The following ZSCAN5A variants were observed in gnomAD, a reference collection of about 807,000 sequenced individuals.
ZSCAN5A encodes zinc finger and SCAN domain containing 5A, also known as zinc finger and SCAN domain-containing protein 5A.
In ZSCAN5A, 12 loss-of-function variants were observed where a neutral mutation model predicts 23.7. That is an observed-to-expected ratio of 0.51 (90% CI 0.32 to 0.82). ZSCAN5A has a LOEUF of 0.82. ZSCAN5A is among the 40% of genes least tolerant of loss of function. The pLI, the probability that ZSCAN5A is intolerant of heterozygous loss-of-function variation, is 0.03. For missense variants in ZSCAN5A, 597 were observed against 617.9 expected, an observed-to-expected ratio of 0.97 and a Z score of 0.36; for synonymous variants, 257 against 239.9, an observed-to-expected ratio of 1.07 and a Z score of -0.66.
chr19:56,340,389 G>C (rs1266801904), intron 2 of ZSCAN5A, among the ~76,000 whole-genome samples: 1 of 152,180 alleles, frequency 6.6e-6, no homozygotes, highest in Non-Finnish European at 1.5e-5. Context: ...GAGTTCTAAG[G>C]TTAGATTGTC....
intron 2 of ZSCAN5A, among the ~76,000 whole-genome samples, chr19:56,243,432 T>G (rs2035590647): frequency 6.6e-6 from 1 of 150,778 alleles, no homozygotes; most frequent in African/African-American, 2.4e-5. Context: ...TTCTCATGAT[T>G]ACTTAATGCT....
chr19:56,298,681 C>CT (rs1297750171), intron 2 of ZSCAN5A, among the ~76,000 whole-genome samples: 1 of 151,748 alleles, frequency 6.6e-6, no homozygotes, highest in East Asian at 1.9e-4. Context: ...GAATAATCCT[C>CT]TATCTATTAA....
At position 56,230,615 on chromosome 19, in the gene ZSCAN5A, A is replaced by ATGTGTGTGTGTGTGTGTG. The variant is rs58270311; in HGVS notation, c.-127-5460_-127-5443dup. 2.0e-5 allele frequency among the ~76,000 whole-genome samples: 3 copies of ATGTGTGTGTGTGTGTGTG among 147,588 alleles called. No homozygotes were observed. In the Admixed American group the frequency reaches 2.0e-4, roughly 10 times the overall value. The stretch of plus-strand genomic sequence containing the variant: ...CATCTGGCTTTCTTTTTATTTCTTG[A>ATGTGTGTGTGTGTGTGTG]TGTGTGTGTGTGTGTGTGTGTGTGT... On this transcript the variant is annotated intron_variant, in intron 2 of 5. Transcript: ENST00000683990.
At chr19:56,300,703 G>A (rs1193989974) in intron 2 of ZSCAN5A, among the ~76,000 whole-genome samples, 1 of 152,172 alleles carries the variant, frequency 6.6e-6, no homozygotes, top group Non-Finnish European at 1.5e-5. Flanking sequence ...TTTCAACAGG[G>A]AGAATTCATT....
chr19:56,285,957 T>C lies in ZSCAN5A; in HGVS notation c.-128+27326A>G, dbSNP rs560834991. On this transcript the variant is annotated intron_variant, in intron 2 of 5. Coordinates refer to ENST00000683990, the MANE Select transcript of ZSCAN5A (RefSeq NM_001322064.3). The stretch of plus-strand genomic sequence containing the variant: ...GACAGATGTTTAACAAATTTGCATC[T>C]TCATATACAGCCTGTGGGGATGCTT... Among the ~76,000 whole-genome samples the C allele has an allele frequency of 2.2e-4, 33 of 152,358 alleles. 1 individual carries two copies. In the South Asian group the frequency reaches 3.5e-3, roughly 16 times the overall value.
At chr19:56,273,104 C>A (rs549491264) in intron 2 of ZSCAN5A, among the ~76,000 whole-genome samples, 1 of 152,262 alleles carries the variant, frequency 6.6e-6, no homozygotes, top group Non-Finnish European at 1.5e-5. Flanking sequence ...TAGCCCCTGC[C>A]CTTGGAGATA....
At chr19:56,231,621 C>T (rs1415113698) in intron 2 of ZSCAN5A, among the ~76,000 whole-genome samples, 1 of 152,240 alleles carries the variant, frequency 6.6e-6, no homozygotes, top group African/African-American at 2.4e-5. Flanking sequence ...GCATTTCCCT[C>T]ACATGACACA....
intron 2 of ZSCAN5A, chr19:56,320,880 G>A (rs1420420366): frequency 2.6e-6 from 2 of 767,244 alleles, no homozygotes; most frequent in Non-Finnish European, 4.9e-6. Context: ...TTCATGTAGA[G>A]TGTGGGGTTC....
At chr19:56,317,353 TC>T (rs1420099666), upstream of ZSCAN5A, 5 of 152,142 alleles carry the variant, frequency 3.3e-5, no homozygotes, top group African/African-American at 1.2e-4. Flanking sequence ...GAACTTGGCT[TC>T]GTTGAAAGCA....
intron 2 of ZSCAN5A, among the ~76,000 whole-genome samples, chr19:56,266,995 G>A (rs555546518): frequency 1.7e-4 from 26 of 152,114 alleles, no homozygotes; most frequent in Admixed American, 5.9e-4. Flanking sequence ...TTCTTTCTGC[G>A]TGTCAAATTC....
intron 2 of ZSCAN5A, chr19:56,283,635 A>T (rs898042907): frequency 1.6e-4 from 24 of 152,200 alleles, no homozygotes; most frequent in Admixed American, 5.2e-4. Flanking sequence ...CGCCCCAGTT[A>T]ACGTTCCCGT....
chr19:56,362,282 T>C (rs1258804999), intron 2 of ZSCAN5A, among the ~76,000 whole-genome samples: 1 of 151,836 alleles, frequency 6.6e-6, no homozygotes, highest in Non-Finnish European at 1.5e-5. Context: ...GAAAGTAACA[T>C]TATGCCGGGC....
At chr19:56,225,699 T>C (rs567804911) in intron 2 of ZSCAN5A, among the ~76,000 whole-genome samples, 1 of 152,246 alleles carries the variant, frequency 6.6e-6, no homozygotes, top group Non-Finnish European at 1.5e-5. Flanking sequence ...TGGTAAAATG[T>C]ACATTCATAA....
rs575249812 is a variant in ZSCAN5A at position 56,257,969 on chromosome 19, G to A, written c.-127-32796C>T. On this transcript the variant is annotated intron_variant, in intron 2 of 5. Coordinates refer to ENST00000683990, the MANE Select transcript of ZSCAN5A (RefSeq NM_001322064.3). ...TGGCTCCTGCCTCCCACCACTGCCC[G>A]ATCTTCTTAGACACAGGCGCCGGGA... Among the ~76,000 whole-genome samples the A allele has an allele frequency of 6.6e-5, 8 of 121,654 alleles. No individual in the cohort carries two copies. In the East Asian group the frequency reaches 7.4e-4, roughly 11 times the overall value. 79.8% of individuals were successfully genotyped at this position (121,654 alleles called of 152,430 possible). A position where few individuals can be genotyped will look rare whatever the true frequency, so the allele number is the denominator to read the frequency against.
intron 2 of ZSCAN5A, among the ~76,000 whole-genome samples, chr19:56,257,162 G>A (rs1004602657): frequency 2.6e-5 from 4 of 152,124 alleles, no homozygotes; most frequent in African/African-American, 7.2e-5. Context: ...GGTCCAAGAG[G>A]GGCGAGTTTG....
intron 2 of ZSCAN5A, 112 bp from the exon 3 acceptor site, chr19:56,225,285 A>G (rs966342567): frequency 8.2e-5 from 86 of 1,051,508 alleles, no homozygotes; most frequent in Non-Finnish European, 1.1e-4. Flanking sequence ...AATTCAGCAC[A>G]GTGGAAATCT....
rs77059068 is a variant in ZSCAN5A, at chr19:56,305,384, C to G, written c.-128+7899G>C. Reference sequence around the variant, plus strand: ...GTTTATTCATTTGGCATAATATTTCCAAGGTTCATCATGGTATACCTTGTA... The same window carrying G: ...GTTTATTCATTTGGCATAATATTTCGAAGGTTCATCATGGTATACCTTGTA... On this transcript the variant is annotated intron_variant, in intron 2 of 5. Transcript: ENST00000683990. Among the ~76,000 whole-genome samples, 664 of 152,258 alleles carry G rather than the reference C, an allele frequency of 4.4e-3. 13 individuals carry two copies. The East Asian group carries it at 0.052, about 12-fold the overall frequency.
intron 2 of ZSCAN5A, among the ~76,000 whole-genome samples, chr19:56,333,456 T>C (rs1323787130): frequency 6.6e-6 from 1 of 151,988 alleles, no homozygotes; most frequent in East Asian, 1.9e-4. Context: ...TTTAATTGTA[T>C]TTTGAAATTC....
At position 56,223,650 on chromosome 19, in the gene ZSCAN5A, G is replaced by A. The variant is rs1568606072; in HGVS notation, c.569C>T (p.Pro190Leu). Residue 190 changes from proline (P) to leucine (L), a missense_variant, in exon 4 of 6, where the codon CCT becomes CTT. Physicochemically the swap from Pro to Leu is moderately conservative, Grantham distance 98. Coordinates refer to ENST00000683990, the MANE Select transcript of ZSCAN5A (RefSeq NM_001322064.3). ...HRELQILPRV[P>L]ALSRRQGEDF... ...ACTCACCTGCCTCCTGGACAATGCA[G>A]GGACCCTGGGCAGGATCTGCAGCTC... 1 of 1,613,696 alleles carries A rather than the reference G, an allele frequency of 6.2e-7. No individual in the cohort carries two copies. The highest frequency in any genetic ancestry group is 8.5e-7 in the Non-Finnish European group (1 of 1,179,966).
Sources: allele counts gnomAD v4.1 joint callset (sites outside exome capture counted in the v4.1 genomes callset), GRCh38; gene constraint gnomAD v4.1.1; transcripts MANE v1.5; gene names NCBI Gene and HGNC (gene_info 2026-07-23, HGNC 2026-07-21).